NKAIN2: variants seen among roughly 807,000 people sequenced by gnomAD.
NKAIN2 encodes sodium/potassium transporting ATPase interacting 2.
Under a neutral mutation model 32.6 loss-of-function variants are expected in NKAIN2, and 14 were observed. The ratio of observed to expected loss-of-function variants is 0.43; its 90% CI spans 0.28 to 0.67. NKAIN2 has a LOEUF of 0.67. NKAIN2 is among the 30% of genes least tolerant of loss of function. The pLI, the probability that NKAIN2 is intolerant of heterozygous loss-of-function variation, is 0.17. For missense variants in NKAIN2, 198 were observed against 258.3 expected, an observed-to-expected ratio of 0.77 and a Z score of 1.60; for synonymous variants, 80 against 87.2, an observed-to-expected ratio of 0.92 and a Z score of 0.46.
chr6:124,247,306 G>C lies in NKAIN2; in HGVS notation c.55-35699G>C, dbSNP rs543840793. On this transcript the variant is annotated intron_variant, in intron 1 of 6. Transcript: ENST00000368417. ...ACTCTCTGTGTGTGAGTATATGTTT[G>C]TGCTGAGACATTTTTAAAAATTGCT... Among the ~76,000 whole-genome samples the C allele has an allele frequency of 7.2e-5, 11 of 152,246 alleles. No homozygotes were observed. The South Asian group carries it at 2.3e-3, about 32-fold the overall frequency.
At chr6:123,978,564 T>G (rs1778748547) in intron 1 of NKAIN2, among the ~76,000 whole-genome samples, 1 of 152,190 alleles carries the variant, frequency 6.6e-6, no homozygotes, top group Non-Finnish European at 1.5e-5. Flanking sequence ...TCTCGTAGTC[T>G]CCTAGTCTCC....
chr6:124,384,345 A>G (rs182800359), intron 3 of NKAIN2, among the ~76,000 whole-genome samples: 27 of 152,274 alleles, frequency 1.8e-4, no homozygotes, highest in African/African-American at 6.3e-4. Context: ...GACATGAGCA[A>G]GGAGTTGAGA....
intron 3 of NKAIN2, among the ~76,000 whole-genome samples, chr6:124,425,507 G>A (rs1562176627): frequency 6.6e-6 from 1 of 152,060 alleles, no homozygotes; most frequent in Admixed American, 6.6e-5. Flanking sequence ...TAATGAAATG[G>A]CAAACTACCG....
At chr6:123,835,055 A>G (rs908176033) in intron 1 of NKAIN2, among the ~76,000 whole-genome samples, 3 of 152,108 alleles carry the variant, frequency 2.0e-5, no homozygotes, top group African/African-American at 4.8e-5. Flanking sequence ...TGGTTTGGGT[A>G]TTAGCACAGT....
chr6:124,326,741 G>A (rs1031669377), intron 2 of NKAIN2, among the ~76,000 whole-genome samples: 1 of 152,006 alleles, frequency 6.6e-6, no homozygotes, highest in Non-Finnish European at 1.5e-5. Context: ...ATAGATGCCT[G>A]GTATAATTAG....
At chr6:124,158,792 A>C (rs1788119706) in intron 1 of NKAIN2, among the ~76,000 whole-genome samples, 1 of 152,188 alleles carries the variant, frequency 6.6e-6, no homozygotes, top group Non-Finnish European at 1.5e-5. Context: ...TCTATTTGCC[A>C]AGTTGTCACA....
chr6:124,279,277 G>A (rs1000010214), intron 1 of NKAIN2, among the ~76,000 whole-genome samples: 5 of 152,028 alleles, frequency 3.3e-5, no homozygotes, highest in African/African-American at 9.7e-5. Flanking sequence ...GGAGGCCGAC[G>A]TGGGCCGATC....
chr6:124,023,703 G>A (rs979575776), intron 1 of NKAIN2, among the ~76,000 whole-genome samples: 2 of 152,060 alleles, frequency 1.3e-5, no homozygotes, highest in Non-Finnish European at 2.9e-5. Flanking sequence ...CTCGTTACCT[G>A]TGCTAAAATA....
chr6:124,462,736 C>T (rs1451248275), intron 3 of NKAIN2, among the ~76,000 whole-genome samples: 1 of 151,882 alleles, frequency 6.6e-6, no homozygotes, highest in East Asian at 1.9e-4. Context: ...AAAAGAACTC[C>T]ATTCACAAAA....
chr6:124,141,610 A>G (rs1016399763), intron 1 of NKAIN2, among the ~76,000 whole-genome samples: 2 of 151,716 alleles, frequency 1.3e-5, no homozygotes, highest in Non-Finnish European at 1.5e-5. Context: ...TCCCTCTCCT[A>G]TGAAACTTCT....
chr6:124,386,083 A>G (rs1055575549), intron 3 of NKAIN2, among the ~76,000 whole-genome samples: 1 of 152,080 alleles, frequency 6.6e-6, no homozygotes, highest in Non-Finnish European at 1.5e-5. Flanking sequence ...AAGATTTTTT[A>G]AGATTAGAAA....
At chr6:124,378,547 C>G (rs778980694) in intron 3 of NKAIN2, among the ~76,000 whole-genome samples, 2 of 152,146 alleles carry the variant, frequency 1.3e-5, no homozygotes, top group African/African-American at 2.4e-5. Flanking sequence ...CCAGTGTATT[C>G]CACAGTTATT....
rs368953898 is a variant in NKAIN2 at position 123,878,315 on chromosome 6, T to C, written c.54+74061T>C. On this transcript the variant is annotated intron_variant, in intron 1 of 6. Coordinates refer to ENST00000368417, the MANE Select transcript of NKAIN2 (RefSeq NM_001040214.3). ...TTTCCCTTATAACTTTAAATAACTT[T>C]CATATGTACACTTTTCCATTTCTTA... Among the ~76,000 whole-genome samples the C allele has an allele frequency of 1.4e-4, 21 of 152,350 alleles. No individual in the cohort carries two copies. The East Asian group carries it at 3.9e-3, about 28-fold the overall frequency.
At chr6:123,915,080 G>A (rs1032326145) in intron 1 of NKAIN2, among the ~76,000 whole-genome samples, 3 of 152,142 alleles carry the variant, frequency 2.0e-5, no homozygotes, top group Admixed American at 6.6e-5. Flanking sequence ...ACAGCTTCTC[G>A]AAGAGGTGTC....
intron 1 of NKAIN2, among the ~76,000 whole-genome samples, chr6:123,986,626 C>A (rs1243393312): frequency 2.0e-5 from 3 of 152,168 alleles, no homozygotes; most frequent in African/African-American, 7.2e-5. Flanking sequence ...TCAGGCCCCA[C>A]TTCAGGCCAA....
chr6:124,447,968 G>C (rs1481574328), intron 3 of NKAIN2, among the ~76,000 whole-genome samples: 1 of 152,090 alleles, frequency 6.6e-6, no homozygotes, highest in African/African-American at 2.4e-5. Flanking sequence ...AAGGGATACA[G>C]TATGTATCCC....
At chr6:124,294,203 A>C (rs983957672) in intron 2 of NKAIN2, among the ~76,000 whole-genome samples, 9 of 152,080 alleles carry the variant, frequency 5.9e-5, no homozygotes, top group African/African-American at 2.2e-4. Context: ...AGCATGTGAG[A>C]GGAGCAAAAT....
chr6:124,450,018 C>G (rs965237808), intron 3 of NKAIN2, among the ~76,000 whole-genome samples: 4 of 152,072 alleles, frequency 2.6e-5, no homozygotes, highest in African/African-American at 7.2e-5. Flanking sequence ...TCACTAAATA[C>G]TCATCTCCAG....
chr6:124,298,291 A>G (rs974385370), intron 2 of NKAIN2, among the ~76,000 whole-genome samples: 3 of 152,096 alleles, frequency 2.0e-5, no homozygotes, highest in African/African-American at 7.2e-5. Flanking sequence ...TGTTTTGTGT[A>G]GCAATATACC....
Sources: allele counts gnomAD v4.1 joint callset (sites outside exome capture counted in the v4.1 genomes callset), GRCh38; gene constraint gnomAD v4.1.1; transcripts MANE v1.5; gene names NCBI Gene and HGNC (gene_info 2026-07-23, HGNC 2026-07-21).